Variants in SLC38A10 observed in about 807,000 individuals in gnomAD.
SLC38A10 encodes Sodium-coupled neutral amino acid transporter 10.
A neutral mutation model predicts 81.0 loss-of-function variants in SLC38A10; 53 were observed. That is an observed-to-expected ratio of 0.65 (90% CI 0.53 to 0.82). SLC38A10 has a LOEUF of 0.82. SLC38A10 is among the 40% of genes least tolerant of loss of function. The probability of loss-of-function intolerance (pLI) is 0.00; values close to 1 mark genes in which losing one functional copy is unlikely to be tolerated. For synonymous variants in SLC38A10, 665 were observed against 655.3 expected (o/e 1.01, Z -0.23); for missense variants, 1,471 against 1,545.0 (o/e 0.95, Z 0.80).
chr17:81,280,034 A>G (rs780262813), intron 6 of SLC38A10: 1 of 400,916 alleles, frequency 2.5e-6, no homozygotes, highest in African/African-American at 2.1e-5. Context: ...TCTGCGCCGG[A>G]TTTACGCCTC....
chr17:81,280,739 G>A lies in SLC38A10; in HGVS notation c.502-6C>T, dbSNP rs755353798. On this transcript the variant is annotated splice_polypyrimidine_tract_variant and splice_region_variant and intron_variant, in intron 5 of 15. Coordinates refer to ENST00000374759, the MANE Select transcript of SLC38A10 (RefSeq NM_001037984.3). ...TTGAGAGAGGAGAGCACGATCTGCA[G>A]AGGGAGAGGGGAGAGAGCACGGGGC... 1 of 1,610,548 alleles carries A rather than the reference G, an allele frequency of 6.2e-7. No individual in the cohort carries two copies. Among genetic ancestry groups the A allele is most frequent in the Admixed American group, 1.7e-5 (1 of 59,830 alleles).
At position 81,253,081 on chromosome 17, in the gene SLC38A10, G is replaced by A. The variant is rs2062934692; in HGVS notation, c.1448C>T (p.Pro483Leu). 2 of 1,612,886 alleles carry A rather than the reference G, an allele frequency of 1.2e-6. No individual in the cohort carries two copies. The highest frequency in any genetic ancestry group is 1.1e-5 in the South Asian group (1 of 91,080). The change falls in exon 12 of 16, where the codon CCT becomes CTT. Residue 483 changes from proline to leucine, a missense_variant. By Grantham distance (98) the Pro-to-Leu change is moderately conservative. Transcript: ENST00000374759. The surrounding 1 kb of genome is among the most constrained non-coding windows in gnomAD (Gnocchi z 4.1). ...EAPEEAQLDR[P>L]GQGIAVPVGE... ...CAGCCAGTGCCCAGCACCTTGCCCA[G>A]GGCGATCGAGCTGTGCCTCCTCCGG...
At chr17:81,252,828 G>A (rs2146889643) in intron 12 of SLC38A10, 145 bp from the exon 13 acceptor site, 1 of 1,330,106 alleles carries the variant, frequency 7.5e-7, no homozygotes, top group Non-Finnish European at 1.0e-6. Flanking sequence ...CGGCCTCCCT[G>A]CTGCCTGGCC....
chr17:81,271,748 ATTTT>A (rs756214430), intron 9 of SLC38A10, among the ~76,000 whole-genome samples: 4 of 121,140 alleles, frequency 3.3e-5, no homozygotes, highest in Admixed American at 8.6e-5. Flanking sequence ...AAGCTGACAG[ATTTT>A]TTTTTTTTTT....
intron 10 of SLC38A10, chr17:81,264,230 G>A (rs371187563): frequency 6.5e-5 from 3 of 46,490 alleles, no homozygotes; most frequent in African/African-American, 4.1e-4. Context: ...CCTCAGTGGC[G>A]GGGGAAGCCC....
In SLC38A10 at chr17:81,245,585, G is replaced by A; in HGVS notation, c.3331C>T (p.Gln1111Ter). 2 of 1,610,964 alleles carry A rather than the reference G, an allele frequency of 1.2e-6. No individual in the cohort carries two copies. The highest frequency in any genetic ancestry group is 1.7e-5 in the Admixed American group (1 of 59,896). The part of the protein sequence containing the change: ...LQVVHSRQLR[Q>*]APGPPEES ...GACTCCTCTGGAGGCCCAGGCGCCT[G>A]TCTAAGCTGCCGGCTGTGGACCACC... Residue 1111 changes from glutamine (Q) to a stop codon, truncating the protein, a stop_gained, in exon 16 of 16, where the codon CAG (glutamine) becomes TAG (stop). Transcript: ENST00000374759. LOFTEE classifies it high-confidence loss of function.
In SLC38A10 at chr17:81,251,557, G is replaced by A. The variant is rs940326764; in HGVS notation, c.2001C>T (p.Pro667=). Reference sequence around the variant, plus strand: ...CCACGTCCCTCTGCTCGCGAGGCTCGGGCGGCAGCCCAGGCCCTGGAGCCG... The same window carrying A: ...CCACGTCCCTCTGCTCGCGAGGCTCAGGCGGCAGCCCAGGCCCTGGAGCCG... ...EKPAPGPGLP[P]EPREQRDVER... is the part of the protein sequence containing the mutation. Residue 667 remains proline (P), a synonymous_variant, in exon 14 of 16, where the codon CCC becomes CCT. Transcript: ENST00000374759. The A allele has an allele frequency of 5.3e-6, 8 of 1,510,042 alleles. No individual in the cohort carries two copies. The highest frequency in any genetic ancestry group is 2.4e-4 in the Middle Eastern group (1 of 4,172). The allele number at this position is 1,510,042 out of a possible 1,614,324, so 93.5% of individuals were successfully genotyped here. A position where few individuals can be genotyped will look rare whatever the true frequency, so the allele number is the denominator to read the frequency against.
chr17:81,245,461 T>A lies in SLC38A10; in HGVS notation c.*95A>T. On this transcript the variant is annotated 3_prime_UTR_variant, in exon 16 of 16. Coordinates refer to ENST00000374759, the MANE Select transcript of SLC38A10 (RefSeq NM_001037984.3). ...ACATGAAACCCTGGGGAGAGGCGAG[T>A]GTGACCTCCAGAGTTTGGCTGGGAT... is the stretch of plus-strand genomic sequence containing the variant. The A allele has an allele frequency of 6.9e-7, 1 of 1,444,728 alleles. No homozygotes were observed. The highest frequency in any genetic ancestry group is 9.2e-7 in the Non-Finnish European group (1 of 1,082,360). 89.5% of individuals were successfully genotyped at this position (1,444,728 alleles called of 1,614,324 possible). A position where few individuals can be genotyped will look rare whatever the true frequency, so the allele number is the denominator to read the frequency against.
chr17:81,250,119 G>C (rs1238717326), intron 14 of SLC38A10: 1 of 1,285,320 alleles, frequency 7.8e-7, no homozygotes. Flanking sequence ...AGAGGCATAC[G>C]GAAGAAAGGC....
chr17:81,253,104 C>G lies in SLC38A10; in HGVS notation c.1425G>C (p.Pro475=), dbSNP rs771978613. 6.2e-7 allele frequency: 1 copy of G among 1,613,576 alleles called. No individual in the cohort carries two copies. Among genetic ancestry groups the G allele is most frequent in the Non-Finnish European group, 8.5e-7 (1 of 1,180,022 alleles). ...CAGGGCGATCGAGCTGTGCCTCCTC[C>G]GGTGCCTCCTTGCCATCTTCCCGTC... ...VPGREDGKEA[P]EEAQLDRPGQ... The change falls in exon 12 of 16, where the codon CCG becomes CCC. Residue 475 remains proline (P), a synonymous_variant. Coordinates refer to ENST00000374759, the MANE Select transcript of SLC38A10 (RefSeq NM_001037984.3). The surrounding 1 kb of genome is among the most constrained non-coding windows in gnomAD (Gnocchi z 4.1).
At chr17:81,256,596 C>G (rs55885872) in intron 11 of SLC38A10, among the ~76,000 whole-genome samples, 7,336 of 152,314 alleles carry the variant, frequency 0.048, 317 homozygotes, top group African/African-American at 0.11. Flanking sequence ...ACTCAAGTGC[C>G]GCCCCAAGTT....
Position 81,252,305 on chromosome 17 carries a change from G to C in SLC38A10, c.1835C>G (p.Ser612Cys), listed in dbSNP as rs1434801325. ...CACCGCCAGGCCGTTCTGCTGCTCA[G>C]ACAGCACTGCCTGGGGCCGAGGATG... Reference protein sequence around the residue: ...GLHPRPQAVLSEQQNGLAVGG... With the variant: ...GLHPRPQAVLCEQQNGLAVGG... The change falls in exon 13 of 16, where the codon TCT (serine) becomes TGT (cysteine). Residue 612 changes from serine to cysteine, a missense_variant. Coordinates refer to ENST00000374759, the MANE Select transcript of SLC38A10 (RefSeq NM_001037984.3). 2 of 1,611,986 alleles carry C rather than the reference G, an allele frequency of 1.2e-6. No homozygotes were observed. The highest frequency in any genetic ancestry group is 1.7e-6 in the Non-Finnish European group (2 of 1,179,282).
Position 81,252,676 on chromosome 17 carries a change from A to G in SLC38A10, c.1464T>C (p.Ala488=), listed in dbSNP as rs769012509. Residue 488 remains alanine (A), a synonymous_variant, in exon 13 of 16, where the codon GCT becomes GCC. Coordinates refer to ENST00000374759, the MANE Select transcript of SLC38A10 (RefSeq NM_001037984.3). The part of the protein sequence containing the change: ...AQLDRPGQGI[A]VPVGEAHRHE... ...GGCGGTGGGCCTCGCCCACAGGCAC[A>G]GCAATCCCTGCAAGGGCACGGGGGA... 2.5e-6 allele frequency: 4 copies of G among 1,601,486 alleles called. No homozygotes were observed. The highest frequency in any genetic ancestry group is 3.4e-6 in the Non-Finnish European group (4 of 1,177,606).
rs1285409349 is a variant in SLC38A10 at position 81,245,208 on chromosome 17, G to A, written c.*348C>T. The stretch of plus-strand genomic sequence containing the variant: ...GAAGACCACGCGTGCTCCCTGGCAG[G>A]AGCAGGAGGCCTGACCACAGACGCA... On this transcript the variant is annotated 3_prime_UTR_variant, in exon 16 of 16. Coordinates refer to ENST00000374759, the MANE Select transcript of SLC38A10 (RefSeq NM_001037984.3). 3.8e-6 allele frequency: 1 copy of A among 266,510 alleles called. No individual in the cohort carries two copies. The allele number at this position is 266,510 out of a possible 1,614,324, so 16.5% of individuals were successfully genotyped here. A position where few individuals can be genotyped will look rare whatever the true frequency, so the allele number is the denominator to read the frequency against.
At chr17:81,292,712 A>G (rs1172109655) in intron 1 of SLC38A10, among the ~76,000 whole-genome samples, 1 of 152,228 alleles carries the variant, frequency 6.6e-6, no homozygotes, top group Non-Finnish European at 1.5e-5. Context: ...ATGCTCTGGC[A>G]GGGGCCTAAT....
chr17:81,246,512 A>G lies in SLC38A10; in HGVS notation c.2404T>C (p.Ser802Pro), dbSNP rs371112025. The G allele has an allele frequency of 6.5e-7, 1 of 1,531,146 alleles. No individual in the cohort carries two copies. The highest frequency in any genetic ancestry group is 8.8e-7 in the Non-Finnish European group (1 of 1,141,900). The allele number at this position is 1,531,146 out of a possible 1,614,324, so 94.8% of individuals were successfully genotyped here. ...ACAGGCCCCTCAGAGTGCTCCAGGG[A>G]GCGCTGGTTAAGGTCCTGGGATGGA... ...PAPSQDLNQRSLEHSEGPVGR... is the reference protein window; with the variant it reads ...PAPSQDLNQRPLEHSEGPVGR... The change falls in exon 16 of 16, where the codon TCC becomes CCC. Residue 802 changes from serine (S) to proline (P), a missense_variant. By Grantham distance (74) the Ser-to-Pro change is moderately conservative. Around this residue, in one of 2 missense-constraint regions of SLC38A10, gnomAD observed 751 missense variants for 717.4 expected, o/e 1.05. Coordinates refer to ENST00000374759, the MANE Select transcript of SLC38A10 (RefSeq NM_001037984.3).
chr17:81,251,026 A>G, intron 14 of SLC38A10: 2 of 1,423,138 alleles, frequency 1.4e-6, no homozygotes, highest in Non-Finnish European at 1.8e-6. Flanking sequence ...CTATGCTAGG[A>G]CCAGGGCGGG....
rs368845433 is a variant in SLC38A10, at chr17:81,286,594, C to T, written c.218-1699G>A. ...GAGGCTGAAGCGCCCAGCAAGGTCC[C>T]GGGGACCCAGCCCTCCCCCGAGTGT... is the stretch of plus-strand genomic sequence containing the variant. On this transcript the variant is annotated intron_variant, in intron 2 of 15. Transcript: ENST00000374759. The surrounding 1 kb of genome is among the most constrained non-coding windows in gnomAD (Gnocchi z 6.0). Among the ~76,000 whole-genome samples, 342 of 152,320 alleles carry T rather than the reference C, an allele frequency of 2.2e-3. 4 individuals carry two copies. Among genetic ancestry groups the T allele is most frequent in the African/African-American group, 7.8e-3 (323 of 41,568 alleles).
chr17:81,255,311 G>T (rs899612116), intron 11 of SLC38A10, among the ~76,000 whole-genome samples: 1 of 152,274 alleles, frequency 6.6e-6, no homozygotes, highest in Admixed American at 6.5e-5. Flanking sequence ...AATGCACACA[G>T]CCTTCTCCAC....
Sources: allele counts gnomAD v4.1 joint callset (sites outside exome capture counted in the v4.1 genomes callset), GRCh38; gene constraint gnomAD v4.1.1; regional missense constraint gnomAD v4.1.1; non-coding constraint Gnocchi (gnomAD v3.1); transcripts MANE v1.5; gene names NCBI Gene and HGNC (gene_info 2026-07-23, HGNC 2026-07-21).